Variants in BBOX1 observed in about 807,000 individuals in gnomAD.
BBOX1 encodes gamma-butyrobetaine hydroxylase 1, also known as gamma-butyrobetaine dioxygenase.
BBOX1 carries 35 observed loss-of-function variants against 41.6 expected under a neutral mutation model. That is an observed-to-expected ratio of 0.84 (90% CI 0.64 to 1.11). The LOEUF is 1.11. BBOX1 is among the 50% of genes most tolerant of loss of function. The probability of loss-of-function intolerance (pLI) is 0.00; values close to 1 mark genes in which losing one functional copy is unlikely to be tolerated. For synonymous variants in BBOX1, 163 were observed against 154.7 expected, an observed-to-expected ratio of 1.05 and a Z score of -0.40; for missense variants, 458 against 460.6, an observed-to-expected ratio of 0.99 and a Z score of 0.05.
rs76009431 is a variant in BBOX1, at chr11:27,051,329, G to A, written c.-38-4064G>A. 5.3e-3 allele frequency among the ~76,000 whole-genome samples: 800 copies of A among 152,084 alleles called. 10 individuals carry two copies. Among genetic ancestry groups the A allele is most frequent in the African/African-American group, 0.018 (754 of 41,542 alleles). ...TATTCTAGTCTGCCTTTGGTTTGAGGGTAGTGCTGGCCTCATAAAATGAGT... is the reference window on the plus strand; with the variant it reads ...TATTCTAGTCTGCCTTTGGTTTGAGAGTAGTGCTGGCCTCATAAAATGAGT... On this transcript the variant is annotated intron_variant, in intron 2 of 8. Transcript: ENST00000263182.
chr11:27,069,792 A>T, intron 4 of BBOX1, among the ~76,000 whole-genome samples: 1 of 152,030 alleles, frequency 6.6e-6, no homozygotes, highest in East Asian at 1.9e-4. Context: ...TTCACCTCCT[A>T]GCATTTTGAG....
intron 5 of BBOX1, among the ~76,000 whole-genome samples, chr11:27,114,058 T>G (rs1177040780): frequency 6.6e-6 from 1 of 151,862 alleles, no homozygotes; most frequent in African/African-American, 2.4e-5. Context: ...ATTTAGCAAG[T>G]TGCAGGGTGC....
At chr11:27,085,061 T>G (rs1306934239) in intron 4 of BBOX1, among the ~76,000 whole-genome samples, 1 of 152,176 alleles carries the variant, frequency 6.6e-6, no homozygotes, top group African/African-American at 2.4e-5. Flanking sequence ...TTTCTTTTGG[T>G]TCCCTGGATA....
At chr11:27,061,641 C>A (rs1055467635) in intron 4 of BBOX1, among the ~76,000 whole-genome samples, 1 of 152,138 alleles carries the variant, frequency 6.6e-6, no homozygotes, top group African/African-American at 2.4e-5. Context: ...GCAAGCATAA[C>A]CCTTGGAGTG....
At chr11:27,061,653 G>A (rs1305886433) in intron 4 of BBOX1, among the ~76,000 whole-genome samples, 1 of 152,154 alleles carries the variant, frequency 6.6e-6, no homozygotes, top group Non-Finnish European at 1.5e-5. Context: ...CTTGGAGTGA[G>A]GGTTACAGAG....
At chr11:27,097,230 A>T (rs1371384123) in intron 5 of BBOX1, among the ~76,000 whole-genome samples, 1 of 152,060 alleles carries the variant, frequency 6.6e-6, no homozygotes, top group Non-Finnish European at 1.5e-5. Flanking sequence ...CCCACCAAAA[A>T]AAAGAAAATC....
chr11:27,095,970 C>A (rs1858424603), intron 5 of BBOX1, among the ~76,000 whole-genome samples: 1 of 151,942 alleles, frequency 6.6e-6, no homozygotes, highest in African/African-American at 2.4e-5. Flanking sequence ...ACATCTGCAT[C>A]CCATCTCCAG....
At chr11:27,060,856 G>A (rs16916491) in intron 4 of BBOX1, among the ~76,000 whole-genome samples, 12,545 of 152,126 alleles carry the variant, frequency 0.082, 1,680 homozygotes, top group African/African-American at 0.29. Context: ...ATTTTTCCCT[G>A]TATCTAGCTG....
At chr11:27,099,333 G>C (rs1403741889) in intron 5 of BBOX1, among the ~76,000 whole-genome samples, 2 of 151,768 alleles carry the variant, frequency 1.3e-5, no homozygotes, top group Non-Finnish European at 2.9e-5. Flanking sequence ...GGGTTACACT[G>C]GTAAGAATAA....
chr11:27,113,266 A>G (rs1358869703), intron 5 of BBOX1, among the ~76,000 whole-genome samples: 1 of 151,702 alleles, frequency 6.6e-6, no homozygotes, highest in Non-Finnish European at 1.5e-5. Flanking sequence ...GACCTTAAAA[A>G]CATTATCATT....
chr11:27,055,167 C>T lies in BBOX1; in HGVS notation c.-38-226C>T, dbSNP rs370749958. 7.6e-5 allele frequency: 26 copies of T among 342,992 alleles called. No homozygotes were observed. The East Asian group carries it at 1.1e-3, about 15-fold the overall frequency. The allele number at this position is 342,992 out of a possible 1,614,324, so 21.2% of individuals were successfully genotyped here. ...ACAAGGAATTCTTTTCATTTGGATC[C>T]TGACTCAGCACTTACATCCCATTTA... On this transcript the variant is annotated intron_variant, in intron 2 of 8. Transcript: ENST00000263182.
At chr11:27,117,852 A>T (rs1859323418) in intron 6 of BBOX1, among the ~76,000 whole-genome samples, 1 of 151,912 alleles carries the variant, frequency 6.6e-6, no homozygotes, top group African/African-American at 2.4e-5. Context: ...GACAAGATTG[A>T]TCATGTCTTT....
chr11:27,060,983 C>T lies in BBOX1; in HGVS notation c.334+3668C>T, dbSNP rs775500037. Among the ~76,000 whole-genome samples, 5 of 152,178 alleles carry T rather than the reference C, an allele frequency of 3.3e-5. No homozygotes were observed. The South Asian group carries it at 6.2e-4, about 19-fold the overall frequency. On this transcript the variant is annotated intron_variant, in intron 4 of 8. Transcript: ENST00000263182. ...ATAATTTAGTACCGATTGTCTGGGT[C>T]ACATCGCAGTGTCACAAATGTATTT... is the stretch of plus-strand genomic sequence containing the variant.
intron 4 of BBOX1, among the ~76,000 whole-genome samples, chr11:27,072,813 A>C (rs1459558485): frequency 6.6e-6 from 1 of 152,248 alleles, no homozygotes; most frequent in Non-Finnish European, 1.5e-5. Flanking sequence ...AAAAATAAGA[A>C]ATGGGGAAAG....
intron 4 of BBOX1, among the ~76,000 whole-genome samples, chr11:27,079,715 A>T (rs1014449424): frequency 1.3e-5 from 2 of 152,094 alleles, no homozygotes; most frequent in Non-Finnish European, 2.9e-5. Flanking sequence ...ATAAGGAAAA[A>T]AATGAGGAAA....
chr11:27,093,078 A>G, intron 4 of BBOX1, 90 bp from the exon 5 acceptor site: 1 of 1,241,424 alleles, frequency 8.1e-7, no homozygotes, highest in Non-Finnish European at 1.1e-6. Context: ...TCAACAATCA[A>G]CTTTAATGAA....
rs543093095 is a variant in BBOX1, at chr11:27,046,433, A to C, written c.-39+4955A>C. 12 of 76,004 alleles carry C rather than the reference A, an allele frequency of 1.6e-4. No individual in the cohort carries two copies. In the East Asian group the frequency reaches 1.8e-3, roughly 11 times the overall value. The allele number at this position is 76,004 out of a possible 1,614,324, so 4.7% of individuals were successfully genotyped here. On this transcript the variant is annotated intron_variant, in intron 2 of 8. Transcript: ENST00000263182. ...GGTGAATAAATTAGGAGGGAAACAC[A>C]CCACAGACACACACACACACACACA...
intron 2 of BBOX1, among the ~76,000 whole-genome samples, chr11:27,046,017 G>A (rs1851476184): frequency 1.3e-5 from 2 of 152,120 alleles, no homozygotes. Context: ...GCAAATCCAG[G>A]TTTGGGGCAA....
At chr11:27,087,588 T>A (rs966192191) in intron 4 of BBOX1, among the ~76,000 whole-genome samples, 11 of 152,124 alleles carry the variant, frequency 7.2e-5, no homozygotes, top group Non-Finnish European at 1.6e-4. Flanking sequence ...CTATTCACTT[T>A]GTTGTGGCAG....
Sources: allele counts gnomAD v4.1 joint callset (sites outside exome capture counted in the v4.1 genomes callset), GRCh38; gene constraint gnomAD v4.1.1; transcripts MANE v1.5; gene names NCBI Gene and HGNC (gene_info 2026-07-23, HGNC 2026-07-21).